NFIB: variants seen among roughly 807,000 people sequenced by gnomAD.
The protein encoded by NFIB is nuclear factor 1 B-type.
NFIB carries 11 observed loss-of-function variants against 61.5 expected under a neutral mutation model. That is an observed-to-expected ratio of 0.18 (90% CI 0.11 to 0.30). NFIB has a LOEUF of 0.30. Ranked by LOEUF, NFIB falls within the 10% of genes least tolerant of loss-of-function variation. The pLI is 1.00. For synonymous variants in NFIB, 260 were observed against 216.5 expected (o/e 1.20, Z -1.76); for missense variants, 471 against 608.9 (o/e 0.77, Z 2.38).
chr9:14,503,645 T>C, the NFIB span, among the ~76,000 whole-genome samples: 6 of 152,186 alleles, frequency 3.9e-5, no homozygotes, highest in Non-Finnish European at 8.8e-5. Context: ...GGATCGTTTA[T>C]TCATTTAGCC....
At chr9:14,310,798 T>C (rs1198111173) in intron 1 of NFIB, among the ~76,000 whole-genome samples, 1 of 152,162 alleles carries the variant, frequency 6.6e-6, no homozygotes, top group Non-Finnish European at 1.5e-5. Context: ...AATAACAAAG[T>C]TACCAATTTC....
At chr9:14,466,207 G>A in the NFIB span, among the ~76,000 whole-genome samples, 1 of 152,170 alleles carries the variant, frequency 6.6e-6, no homozygotes, top group Non-Finnish European at 1.5e-5. Flanking sequence ...GCAAGCTGAG[G>A]CAAGGCCGTT....
intron 2 of NFIB, among the ~76,000 whole-genome samples, chr9:14,213,939 C>T (rs907330538): frequency 1.8e-4 from 27 of 147,828 alleles, no homozygotes; most frequent in African/African-American, 5.4e-4. Flanking sequence ...ACTCCCACTG[C>T]TCCAAATTTA....
chr9:14,217,592 G>A (rs2051073764), intron 2 of NFIB, among the ~76,000 whole-genome samples: 1 of 147,734 alleles, frequency 6.8e-6, no homozygotes, highest in African/African-American at 2.5e-5. Context: ...CCCAGGAAGT[G>A]GAGGTTGCGG....
intron 1 of NFIB, among the ~76,000 whole-genome samples, chr9:14,322,580 C>CCTA (rs1464993524): frequency 6.6e-6 from 1 of 151,948 alleles, no homozygotes; most frequent in Non-Finnish European, 1.5e-5. Flanking sequence ...TCGCGGCCCG[C>CCTA]CCCGCCCCAC....
intron 6 of NFIB, among the ~76,000 whole-genome samples, chr9:14,145,824 A>ATTT (rs891906281): frequency 6.9e-6 from 1 of 144,614 alleles, no homozygotes; most frequent in Non-Finnish European, 1.5e-5. Context: ...CTTACGTTTT[A>ATTT]TTTTTTTTTT....
chr9:14,128,504 C>T (rs2039988173), intron 6 of NFIB, among the ~76,000 whole-genome samples: 1 of 151,922 alleles, frequency 6.6e-6, no homozygotes, highest in African/African-American at 2.4e-5. Flanking sequence ...TCGAGACCAG[C>T]CTGGCCAACA....
At chr9:14,107,216 G>C (rs2036689029) in intron 10 of NFIB, among the ~76,000 whole-genome samples, 1 of 151,676 alleles carries the variant, frequency 6.6e-6, no homozygotes, top group Admixed American at 6.6e-5. Flanking sequence ...AAATTAAATG[G>C]TCTCTGGATG....
intron 6 of NFIB, among the ~76,000 whole-genome samples, chr9:14,126,009 T>C (rs1202101154): frequency 6.6e-6 from 1 of 152,238 alleles, no homozygotes; most frequent in African/African-American, 2.4e-5. Context: ...CATTACTAAA[T>C]AAATCTTAAA....
chr9:14,137,613 C>G (rs573087214), intron 6 of NFIB, among the ~76,000 whole-genome samples: 6 of 152,136 alleles, frequency 3.9e-5, no homozygotes, highest in Non-Finnish European at 7.4e-5. Flanking sequence ...AGTGATTTGT[C>G]TAAGACCACA....
At chr9:14,526,826 G>T in the NFIB span, among the ~76,000 whole-genome samples, 41 of 152,240 alleles carry the variant, frequency 2.7e-4, no homozygotes, top group African/African-American at 9.6e-4. Context: ...CTTTCCCATA[G>T]ATAGAAGAGA....
chr9:14,360,219 C>G lies in NFIB; in HGVS notation c.108+38305G>C, dbSNP rs1316183572. 5.9e-5 allele frequency among the ~76,000 whole-genome samples: 9 copies of G among 152,158 alleles called. No homozygotes were observed. In the South Asian group the frequency reaches 1.9e-3, roughly 32 times the overall value. On this transcript the variant is annotated intron_variant, in intron 1 of 8. Transcript: ENST00000380934. ...TACAAACACTTATATTAAGCCCAAC[C>G]CTTATCTAAAGCATTCGATTCAGGA...
intron 2 of NFIB, among the ~76,000 whole-genome samples, chr9:14,200,122 G>A (rs900227646): frequency 1.3e-5 from 2 of 151,958 alleles, no homozygotes. Flanking sequence ...TCAGTAGTTG[G>A]GCATATTTCC....
At chr9:14,312,907 A>G (rs1351573625) in intron 1 of NFIB, among the ~76,000 whole-genome samples, 1 of 152,138 alleles carries the variant, frequency 6.6e-6, no homozygotes, top group African/African-American at 2.4e-5. Flanking sequence ...GCAGGTCACT[A>G]TGGACCAGGG....
chr9:14,150,421 C>A (rs1252173627), intron 4 of NFIB, among the ~76,000 whole-genome samples, 156 bp from the exon 5 acceptor site: 1 of 152,124 alleles, frequency 6.6e-6, no homozygotes, highest in Non-Finnish European at 1.5e-5. Flanking sequence ...CTGGGTAGGA[C>A]CTGAAAACTT....
intron 2 of NFIB, among the ~76,000 whole-genome samples, chr9:14,265,192 T>A (rs1168438609): frequency 6.6e-6 from 1 of 152,224 alleles, no homozygotes; most frequent in African/African-American, 2.4e-5. Context: ...ATATCCTATT[T>A]GCAACTAGGA....
chr9:14,238,642 G>A (rs948550491), intron 2 of NFIB, among the ~76,000 whole-genome samples: 9 of 152,114 alleles, frequency 5.9e-5, no homozygotes, highest in East Asian at 1.9e-4. Flanking sequence ...GCTTACATCC[G>A]CCTGGTCCAA....
chr9:14,263,280 ATTT>A, intron 2 of NFIB, among the ~76,000 whole-genome samples: 1 of 148,544 alleles, frequency 6.7e-6, no homozygotes, highest in South Asian at 2.1e-4. Flanking sequence ...GCATGAGGGG[ATTT>A]TTTTTTTTTC....
At chr9:14,191,674 T>C (rs754931951) in intron 2 of NFIB, among the ~76,000 whole-genome samples, 14 of 152,002 alleles carry the variant, frequency 9.2e-5, no homozygotes, top group Non-Finnish European at 1.8e-4. Flanking sequence ...CCCATCCATA[T>C]GCCTTAACCC....
Sources: allele counts gnomAD v4.1 joint callset (sites outside exome capture counted in the v4.1 genomes callset), GRCh38; gene constraint gnomAD v4.1.1; transcripts MANE v1.5; gene names NCBI Gene and HGNC (gene_info 2026-07-23, HGNC 2026-07-21).